ST18: variants seen among roughly 807,000 people sequenced by gnomAD.
ST18 encodes suppression of tumorigenicity 18 protein.
A neutral mutation model predicts 110.0 loss-of-function variants in ST18; 50 were observed. That is an observed-to-expected ratio of 0.45 (90% CI 0.36 to 0.58). The LOEUF is 0.58. Ranked by LOEUF, ST18 falls within the 20% of genes least tolerant of loss-of-function variation. The pLI, the probability that ST18 is intolerant of heterozygous loss-of-function variation, is 0.00. For synonymous variants in ST18, 461 were observed against 452.4 expected (o/e 1.02, Z -0.24); for missense variants, 1,306 against 1,280.1 (o/e 1.02, Z -0.31).
At chr8:52,321,654 G>A (rs560873773) in intron 2 of ST18, among the ~76,000 whole-genome samples, 19 of 152,288 alleles carry the variant, frequency 1.2e-4, no homozygotes, top group African/African-American at 4.6e-4. Context: ...ATCACAGAGT[G>A]ATGCTAATAC....
intron 2 of ST18, among the ~76,000 whole-genome samples, chr8:52,248,253 CAG>C (rs764322969): frequency 6.6e-6 from 1 of 152,126 alleles, no homozygotes; most frequent in African/African-American, 2.4e-5. Flanking sequence ...GATTTCTACA[CAG>C]AGTTTTAATT....
chr8:52,408,150 T>C (rs12678991), intron 2 of ST18, among the ~76,000 whole-genome samples: 81,588 of 152,010 alleles, frequency 0.54, 24,605 homozygotes, highest in Non-Finnish European at 0.66. Flanking sequence ...CAAACTAATT[T>C]AATGTAGGAC....
chr8:52,172,593 AAG>A lies in ST18; in HGVS notation c.278-12_278-11del. On this transcript the variant is annotated splice_polypyrimidine_tract_variant and intron_variant, in intron 9 of 25. Transcript: ENST00000689386. The stretch of plus-strand genomic sequence containing the variant: ...TTTATCATGATTTCCTCTATGGAAA[AAG>A]AAAACCAATATTTGAAGAGCAAGAA... The A allele has an allele frequency of 6.5e-7, 1 of 1,541,696 alleles. No homozygotes were observed. The highest frequency in any genetic ancestry group is 1.3e-5 in the South Asian group (1 of 78,802).
chr8:52,136,614 A>G lies in ST18; in HGVS notation c.2276T>C (p.Met759Thr). Reference protein sequence around the residue: ...PLADKTLKSLMAANSQELKCP... With the variant: ...PLADKTLKSLTAANSQELKCP... ...CTTAAGCTCCTGAGAGTTGGCAGCCATGAGGGATTTTAGAGTCTTATCTGC... is the reference window on the plus strand; with the variant it reads ...CTTAAGCTCCTGAGAGTTGGCAGCCGTGAGGGATTTTAGAGTCTTATCTGC... Residue 759 changes from methionine to threonine, a missense_variant, in exon 19 of 26, where the codon ATG becomes ACG. By Grantham distance (81) the Met-to-Thr change is moderately conservative. Coordinates refer to ENST00000689386, the MANE Select transcript of ST18 (RefSeq NM_001352837.2). 3.7e-6 allele frequency: 6 copies of G among 1,611,596 alleles called. No individual in the cohort carries two copies. Among genetic ancestry groups the G allele is most frequent in the Non-Finnish European group, 5.1e-6 (6 of 1,179,118 alleles).
intron 2 of ST18, among the ~76,000 whole-genome samples, chr8:52,393,021 G>A (rs1237751301): frequency 1.3e-5 from 2 of 152,092 alleles, no homozygotes; most frequent in Non-Finnish European, 2.9e-5. Context: ...TTTTGATTCA[G>A]TTCTGGGAAG....
chr8:52,198,317 T>C (rs1471956037), intron 8 of ST18, among the ~76,000 whole-genome samples: 1 of 152,214 alleles, frequency 6.6e-6, no homozygotes, highest in African/African-American at 2.4e-5. Flanking sequence ...GGCTGTTTTA[T>C]AACTACTATC....
intron 2 of ST18, among the ~76,000 whole-genome samples, chr8:52,244,673 C>T (rs1261122749): frequency 6.6e-6 from 1 of 152,114 alleles, no homozygotes; most frequent in Non-Finnish European, 1.5e-5. Context: ...CTTATTTGTC[C>T]CTACATGTTT....
At chr8:52,272,681 A>T (rs893838444) in intron 2 of ST18, among the ~76,000 whole-genome samples, 3 of 152,216 alleles carry the variant, frequency 2.0e-5, no homozygotes, top group African/African-American at 7.2e-5. Context: ...AGGAAAATTA[A>T]GAATAGAACT....
Position 52,113,237 on chromosome 8 carries a change from C to T in ST18, c.3105G>A (p.Leu1035=). The change falls in exon 26 of 26, where the codon CTG becomes CTA. Residue 1035 remains leucine (L), a synonymous_variant. Coordinates refer to ENST00000689386, the MANE Select transcript of ST18 (RefSeq NM_001352837.2). The part of the protein sequence containing the change: ...RDYSPECKAL[L]ESIKQAVKGI... ...CCTTCACTGCCTGTTTGATACTTTC[C>T]AGTAGAGCTTTGCATTCCGGGGAAT... The T allele has an allele frequency of 6.2e-7, 1 of 1,614,120 alleles. No homozygotes were observed. Among genetic ancestry groups the T allele is most frequent in the African/African-American group, 1.3e-5 (1 of 75,042 alleles).
At chr8:52,276,137 C>T (rs796876758) in intron 2 of ST18, among the ~76,000 whole-genome samples, 92 of 6,360 alleles carry the variant, frequency 0.014, no homozygotes, top group Admixed American at 0.018. Flanking sequence ...ACCACACACA[C>T]ACCACATGCA....
Position 52,172,377 on chromosome 8 carries a change from C to T in ST18, c.484G>A (p.Asp162Asn), listed in dbSNP as rs147121734. ...SGIQSLKAES[D>N]EADECFLIHS... ...ATCAGAAAGCACTCGTCTGCTTCATCGCTCTCTGCTTTTAAAGACTGGATG... is the reference window on the plus strand; with the variant it reads ...ATCAGAAAGCACTCGTCTGCTTCATTGCTCTCTGCTTTTAAAGACTGGATG... The change falls in exon 10 of 26, where the codon GAT becomes AAT. Residue 162 changes from aspartate to asparagine, a missense_variant. Physicochemically the swap from Asp to Asn is conservative, Grantham distance 23 (BLOSUM62 1). Transcript: ENST00000689386. The T allele has an allele frequency of 2.2e-5, 36 of 1,614,054 alleles. No homozygotes were observed. In the South Asian group the frequency reaches 2.3e-4, roughly 10 times the overall value.
In ST18 at chr8:52,378,566, G is replaced by T. The variant is rs1415463492; in HGVS notation, c.-465+30762C>A. ...CCTAGTTTAGCCAGGAGGGCAGGCA[G>T]TCGTATGAAAAAGAGAGGCAGATCT... On this transcript the variant is annotated intron_variant, in intron 2 of 25. Transcript: ENST00000689386. Among the ~76,000 whole-genome samples the T allele has an allele frequency of 2.6e-5, 4 of 152,146 alleles. No individual in the cohort carries two copies. In the South Asian group the frequency reaches 8.3e-4, roughly 31 times the overall value.
chr8:52,284,559 C>G (rs921824295), intron 2 of ST18, among the ~76,000 whole-genome samples: 1 of 152,114 alleles, frequency 6.6e-6, no homozygotes, highest in Admixed American at 6.5e-5. Context: ...AGGAGGATAC[C>G]TGTCCCACCA....
chr8:52,378,179 T>C (rs2140777864), intron 2 of ST18, among the ~76,000 whole-genome samples: 1 of 152,248 alleles, frequency 6.6e-6, no homozygotes, highest in African/African-American at 2.4e-5. Flanking sequence ...ACCTAGTATT[T>C]AGTAGCAAAG....
chr8:52,264,322 T>A (rs1440502771), intron 2 of ST18, among the ~76,000 whole-genome samples: 1 of 152,198 alleles, frequency 6.6e-6, no homozygotes, highest in African/African-American at 2.4e-5. Context: ...TGAAAATCAC[T>A]GCAAATCATG....
At chr8:52,317,445 A>G (rs2096052379) in intron 2 of ST18, among the ~76,000 whole-genome samples, 1 of 152,236 alleles carries the variant, frequency 6.6e-6, no homozygotes, top group Non-Finnish European at 1.5e-5. Context: ...CGGAGGGAGC[A>G]TGGCCCTGCC....
At position 52,133,133 on chromosome 8, in the gene ST18, A is replaced by G; in HGVS notation, c.2368T>C (p.Ser790Pro). ...TGNYASHRSL[S>P]GCPRARKGGV... ...CCTTTCCTTGCACGAGGGCATCCGGACAAGCTGAAATAGGGACCCGACAAA... is the reference window on the plus strand; with the variant it reads ...CCTTTCCTTGCACGAGGGCATCCGGGCAAGCTGAAATAGGGACCCGACAAA... Residue 790 changes from serine (S) to proline (P), a missense_variant, in exon 21 of 26, where the codon TCC becomes CCC. Transcript: ENST00000689386. The G allele has an allele frequency of 6.2e-7, 1 of 1,614,162 alleles. No homozygotes were observed. The highest frequency in any genetic ancestry group is 8.5e-7 in the Non-Finnish European group (1 of 1,180,026).
chr8:52,148,568 G>C (rs1479309352), intron 16 of ST18, among the ~76,000 whole-genome samples: 1 of 152,154 alleles, frequency 6.6e-6, no homozygotes, highest in Non-Finnish European at 1.5e-5. Context: ...CACAAGCATG[G>C]TGGAAGTGTG....
chr8:52,152,229 A>G (rs1192767214), intron 15 of ST18, among the ~76,000 whole-genome samples: 1 of 152,174 alleles, frequency 6.6e-6, no homozygotes, highest in African/African-American at 2.4e-5. Flanking sequence ...GTACCAGAGA[A>G]GGGTCCCTTT....
Sources: allele counts gnomAD v4.1 joint callset (sites outside exome capture counted in the v4.1 genomes callset), GRCh38; gene constraint gnomAD v4.1.1; transcripts MANE v1.5; gene names NCBI Gene and HGNC (gene_info 2026-07-23, HGNC 2026-07-21).